Variants in CMIP observed in about 807,000 individuals in gnomAD.
The protein encoded by CMIP is C-Maf-inducing protein.
In CMIP, 13 loss-of-function variants were observed where a neutral mutation model predicts 97.3. That is an observed-to-expected ratio of 0.13 (90% CI 0.09 to 0.21). The LOEUF is 0.21. Among genes scored for constraint, CMIP ranks in the 10% least tolerant of loss-of-function variants. The pLI is 1.00. For synonymous variants in CMIP, 538 were observed against 436.3 expected (o/e 1.23, Z -2.91); for missense variants, 847 against 1,024.9 (o/e 0.83, Z 2.37).
intron 1 of CMIP, among the ~76,000 whole-genome samples, chr16:81,533,091 C>T (rs1408348746): frequency 1.3e-5 from 2 of 152,196 alleles, no homozygotes; most frequent in African/African-American, 2.4e-5. Context: ...AAAAAGTTGG[C>T]ACCCACTCCC....
chr16:81,551,117 G>A (rs2090648405), intron 1 of CMIP, among the ~76,000 whole-genome samples: 1 of 145,360 alleles, frequency 6.9e-6, no homozygotes, highest in Non-Finnish European at 1.5e-5. Flanking sequence ...ATATATCCCA[G>A]TTCCATCACA....
At chr16:81,705,468 G>C in intron 18 of CMIP, 31 bp from the exon 19 acceptor site, 2 of 1,494,260 alleles carry the variant, frequency 1.3e-6, no homozygotes, top group Non-Finnish European at 1.8e-6. Flanking sequence ...GGAGTGGCCG[G>C]GAGAGGGCTG....
chr16:81,478,780 C>T (rs1204163001), intron 1 of CMIP, among the ~76,000 whole-genome samples: 1 of 152,196 alleles, frequency 6.6e-6, no homozygotes, highest in African/African-American at 2.4e-5. Context: ...AGCGCCATAT[C>T]CAGAGGCACT....
At chr16:81,671,421 G>A (rs1168023546) in intron 8 of CMIP, among the ~76,000 whole-genome samples, 5 of 152,184 alleles carry the variant, frequency 3.3e-5, no homozygotes, top group Non-Finnish European at 7.3e-5. Context: ...ACTTATTGAG[G>A]ACTTAGTAAC....
intron 1 of CMIP, among the ~76,000 whole-genome samples, chr16:81,482,805 G>A (rs947468384): frequency 2.0e-5 from 3 of 152,222 alleles, no homozygotes; most frequent in Non-Finnish European, 4.4e-5. Context: ...AGCTGAGCCC[G>A]TTCCCAACTG....
chr16:81,492,929 G>T (rs751216154), intron 1 of CMIP, among the ~76,000 whole-genome samples: 1 of 152,068 alleles, frequency 6.6e-6, no homozygotes, highest in African/African-American at 2.4e-5. Flanking sequence ...AGAAGGGAGC[G>T]GCCGAAGAGG....
At chr16:81,654,321 C>G (rs950217429) in intron 4 of CMIP, among the ~76,000 whole-genome samples, 3 of 152,146 alleles carry the variant, frequency 2.0e-5, no homozygotes, top group Non-Finnish European at 4.4e-5. Flanking sequence ...ATCCTCCCAC[C>G]TTGGCCTCCC....
chr16:81,513,748 A>G (rs1008137674), intron 1 of CMIP, among the ~76,000 whole-genome samples: 3 of 152,264 alleles, frequency 2.0e-5, no homozygotes, highest in African/African-American at 4.8e-5. Context: ...GGACACAGGC[A>G]TGGCCCTAGC....
rs1567681441 is a variant in CMIP, at chr16:81,710,799, C to G, written c.*1000C>G. The G allele has an allele frequency of 1.3e-5, 2 of 152,302 alleles. No homozygotes were observed. The highest frequency in any genetic ancestry group is 3.9e-4 in the East Asian group (2 of 5,170). 9.4% of individuals were successfully genotyped at this position (152,302 alleles called of 1,614,324 possible). A position where few individuals can be genotyped will look rare whatever the true frequency, so the allele number is the denominator to read the frequency against. On this transcript the variant is annotated 3_prime_UTR_variant, in exon 21 of 21. Transcript: ENST00000537098. The stretch of plus-strand genomic sequence containing the variant: ...TTGAATGGGAGGCTGCTAACCCGCC[C>G]TCTCCAGTCCACCCCGGTAAAAGAG...
intron 1 of CMIP, among the ~76,000 whole-genome samples, chr16:81,478,027 C>T (rs1361070908): frequency 6.6e-6 from 1 of 152,228 alleles, no homozygotes; most frequent in Non-Finnish European, 1.5e-5. Context: ...TCCCACCCCA[C>T]AGCAGGATTT....
chr16:81,610,514 C>A (rs2091813597), intron 2 of CMIP: 1 of 985,570 alleles, frequency 1.0e-6, no homozygotes. Flanking sequence ...ACACGGCCTC[C>A]CAACCCTTCC....
intron 1 of CMIP, among the ~76,000 whole-genome samples, chr16:81,541,682 G>T (rs1176093610): frequency 1.3e-5 from 2 of 152,198 alleles, no homozygotes; most frequent in African/African-American, 2.4e-5. Context: ...GGAGTGGAGT[G>T]TCCCTACAAA....
intron 3 of CMIP, among the ~76,000 whole-genome samples, chr16:81,638,273 T>C (rs2092261771): frequency 6.6e-6 from 1 of 152,162 alleles, no homozygotes; most frequent in African/African-American, 2.4e-5. Context: ...CATTCACAGA[T>C]GGCAGGGGTT....
chr16:81,678,620 C>G lies in CMIP; in HGVS notation c.1380C>G (p.Leu460=). 6.4e-7 allele frequency: 1 copy of G among 1,558,818 alleles called. No homozygotes were observed. Among genetic ancestry groups the G allele is most frequent in the Non-Finnish European group, 8.8e-7 (1 of 1,139,528 alleles). ...DRTLGCYVEI[L]KLLSDYDDWR... The stretch of plus-strand genomic sequence containing the variant: ...CGCTCGGCTGCTACGTGGAAATCCT[C>G]AAGCTGCTGTGAGTGCCCCCCCCGC... The change falls in exon 10 of 21, where the codon CTC becomes CTG. Residue 460 remains leucine, a synonymous_variant. Transcript: ENST00000537098.
intron 18 of CMIP, among the ~76,000 whole-genome samples, chr16:81,705,192 C>A (rs986173707): frequency 2.0e-5 from 3 of 152,210 alleles, no homozygotes; most frequent in Non-Finnish European, 4.4e-5. Context: ...CAGGAGAAAG[C>A]CACCTAGGCA....
intron 1 of CMIP, among the ~76,000 whole-genome samples, chr16:81,500,495 CTTT>C (rs540360121): frequency 9.1e-6 from 1 of 110,042 alleles, no homozygotes; most frequent in African/African-American, 3.4e-5. Flanking sequence ...TTCTTTCTTT[CTTT>C]TTTTTTTTTG....
intron 1 of CMIP, among the ~76,000 whole-genome samples, chr16:81,508,082 T>C (rs1252815433): frequency 6.6e-6 from 1 of 152,248 alleles, no homozygotes; most frequent in Non-Finnish European, 1.5e-5. Context: ...GGAGCATTCC[T>C]CCCCCAACCT....
chr16:81,629,153 A>T (rs1467459774), intron 3 of CMIP, among the ~76,000 whole-genome samples: 1 of 148,022 alleles, frequency 6.8e-6, no homozygotes, highest in African/African-American at 2.6e-5. Context: ...AAAAAAAAAA[A>T]AAAAAAAAAA....
intron 9 of CMIP, 61 bp from the exon 10 acceptor site, chr16:81,678,214 G>T (rs1356917525): frequency 4.6e-6 from 6 of 1,303,656 alleles, no homozygotes; most frequent in Non-Finnish European, 6.2e-6. Context: ...TAGTCTGATG[G>T]GTCATGGTGC....
Sources: gnomAD v4.1 joint callset for allele counts (sites outside exome capture counted in the v4.1 genomes callset) on GRCh38, gnomAD v4.1.1 for gene constraint, MANE v1.5 for transcripts, NCBI Gene and HGNC (gene_info 2026-07-23, HGNC 2026-07-21) for gene names.